Variants in CCL7 observed in about 807,000 individuals in gnomAD.
CCL7 encodes the protein C-C motif chemokine 7.
Under a neutral mutation model 7.1 loss-of-function variants are expected in CCL7, and 8 were observed. That is an observed-to-expected ratio of 1.13 (90% CI 0.66 to 2.04). CCL7 has a LOEUF of 2.04. CCL7 is among the 30% of genes most tolerant of loss of function. CCL7 has a pLI of 0.00. For missense variants in CCL7, 134 were observed against 113.6 expected (o/e 1.18, Z -0.82); for synonymous variants, 46 against 41.2 (o/e 1.12, Z -0.45).
chr17:34,271,084 T>C (rs1438231135), intron 1 of CCL7, 62 bp from the exon 2 acceptor site: 6 of 1,606,250 alleles, frequency 3.7e-6, no homozygotes, highest in Non-Finnish European at 4.3e-6. Context: ...TTCCCTGTTT[T>C]ACAAACAGAA....
chr17:34,270,919 T>C (rs1908114963), intron 1 of CCL7, among the ~76,000 whole-genome samples: 1 of 152,208 alleles, frequency 6.6e-6, no homozygotes, highest in African/African-American at 2.4e-5. Flanking sequence ...CAATTCCTCT[T>C]CCGTCTTTCA....
chr17:34,271,099 C>A (rs976166359), intron 1 of CCL7, 47 bp from the exon 2 acceptor site: 2 of 1,613,324 alleles, frequency 1.2e-6, no homozygotes, highest in African/African-American at 1.3e-5. Context: ...ACAGAAAGAC[C>A]CAGGACACAC....
chr17:34,272,160 G>T lies in CCL7; in HGVS notation c.*358G>T. 1 of 170,432 alleles carries T rather than the reference G, an allele frequency of 5.9e-6. No homozygotes were observed. The allele number at this position is 170,432 out of a possible 1,614,324, so 10.6% of individuals were successfully genotyped here. ...AATTGTTAAGATATGATGTCCCTAT[G>T]GAAGCATATTGTTATTATATAATTA... On this transcript the variant is annotated 3_prime_UTR_variant, in exon 3 of 3. Transcript: ENST00000378569.
chr17:34,271,350 G>T, intron 2 of CCL7, 87 bp downstream of exon 2: 1 of 1,053,196 alleles, frequency 9.5e-7, no homozygotes, highest in South Asian at 1.5e-5. Flanking sequence ...AGAATGAGTT[G>T]GAGTCAAATA....
In CCL7 at chr17:34,272,071, C is replaced by A. The variant is rs200134211; in HGVS notation, c.*269C>A. On this transcript the variant is annotated 3_prime_UTR_variant, in exon 3 of 3. Transcript: ENST00000378569. ...GCTGTAAAAACTGTGGGATGCTCCT[C>A]CCTTCTCTACCTCATGGGGGTATTG... The A allele has an allele frequency of 2.9e-6, 1 of 341,784 alleles. No individual in the cohort carries two copies. Among genetic ancestry groups the A allele is most frequent in the African/African-American group, 2.2e-5 (1 of 45,060 alleles). 21.2% of individuals were successfully genotyped at this position (341,784 alleles called of 1,614,324 possible). A position where few individuals can be genotyped will look rare whatever the true frequency, so the allele number is the denominator to read the frequency against.
intron 2 of CCL7, 116 bp downstream of exon 2, chr17:34,271,379 C>G: frequency 1.2e-6 from 1 of 813,988 alleles, no homozygotes; most frequent in Non-Finnish European, 2.0e-6. Flanking sequence ...CATACAGCAT[C>G]TCTAACCTTA....
At chr17:34,270,641 G>A (rs1335050110) in intron 1 of CCL7, among the ~76,000 whole-genome samples, 1 of 152,210 alleles carries the variant, frequency 6.6e-6, no homozygotes, top group Non-Finnish European at 1.5e-5. Flanking sequence ...GCTGCTTCCA[G>A]CAGAATTTGG....
In CCL7 at chr17:34,271,027, C is replaced by G; in HGVS notation, c.77-119C>G. 1.9e-6 allele frequency: 3 copies of G among 1,554,170 alleles called. No individual in the cohort carries two copies. The South Asian group carries it at 3.7e-5, about 19-fold the overall frequency. ...GAGACATTGGGTTTGGGATGGGCAG[C>G]TTTTCCCTCCACCTCTTCCTTTCTT... On this transcript the variant is annotated intron_variant, in intron 1 of 2. Transcript: ENST00000378569.
intron 1 of CCL7, among the ~76,000 whole-genome samples, chr17:34,270,718 G>T (rs1002017945): frequency 6.6e-6 from 1 of 152,172 alleles, no homozygotes; most frequent in Non-Finnish European, 1.5e-5. Context: ...GATACCGGGA[G>T]ACCCAGAATC....
intron 1 of CCL7, among the ~76,000 whole-genome samples, chr17:34,270,853 C>T (rs3091321): frequency 0.16 from 23,701 of 152,152 alleles, 2,237 homozygotes; most frequent in Non-Finnish European, 0.22. Flanking sequence ...GGTACCCTTG[C>T]TCTAAGGAAT....
rs1598088266 is a variant in CCL7, at chr17:34,271,785, C to T, written c.283C>T (p.Gln95Ter). The T allele has an allele frequency of 1.2e-6, 2 of 1,611,124 alleles. No individual in the cohort carries two copies. The highest frequency in any genetic ancestry group is 1.3e-5 in the African/African-American group (1 of 74,926). ...TATGAAGCACCTGGACAAGAAAACCCAAACTCCAAAGCTTTGAACATTCAT... is the reference window on the plus strand; with the variant it reads ...TATGAAGCACCTGGACAAGAAAACCTAAACTCCAAAGCTTTGAACATTCAT... ...DFMKHLDKKT[Q>*]TPKL The change falls in exon 3 of 3, where the codon CAA becomes TAA. Residue 95 changes from glutamine to a stop codon, truncating the protein, a stop_gained. Coordinates refer to ENST00000378569, the MANE Select transcript of CCL7 (RefSeq NM_006273.4). LOFTEE classifies it high-confidence loss of function.
At chr17:34,270,465 A>C in intron 1 of CCL7, 99 bp downstream of exon 1, 1 of 939,218 alleles carries the variant, frequency 1.1e-6, no homozygotes, top group African/African-American at 1.7e-5. Context: ...TCACTTTAAC[A>C]GCTACTTTTC....
At chr17:34,271,655 C>A in intron 2 of CCL7, 42 bp from the exon 3 acceptor site, 2 of 1,334,414 alleles carry the variant, frequency 1.5e-6, no homozygotes, top group Non-Finnish European at 2.1e-6. Flanking sequence ...CAGGCTGAAC[C>A]CTCAAGGTGT....
intron 1 of CCL7, 142 bp downstream of exon 1, chr17:34,270,508 G>GT: frequency 2.9e-6 from 2 of 679,126 alleles, no homozygotes; most frequent in Non-Finnish European, 5.0e-6. Flanking sequence ...AGGATAAGGG[G>GT]TGAGCCCAAC....
At chr17:34,270,514 C>T in intron 1 of CCL7, 148 bp downstream of exon 1, 2 of 648,462 alleles carry the variant, frequency 3.1e-6, no homozygotes, top group Admixed American at 2.9e-5. Context: ...AGGGGTGAGC[C>T]CAACCACACA....
intron 1 of CCL7, 34 bp downstream of exon 1, chr17:34,270,400 T>C (rs202159777): frequency 1.9e-6 from 3 of 1,562,954 alleles, no homozygotes; most frequent in Admixed American, 1.7e-5. Flanking sequence ...TTGAAGCACA[T>C]TGCCCCCTCT....
At position 34,270,362 on chromosome 17, in the gene CCL7, G is replaced by A. The variant is rs771707444; in HGVS notation, c.72G>A (p.Gln24=). 1 of 1,614,048 alleles carries A rather than the reference G, an allele frequency of 6.2e-7. No homozygotes were observed. The highest frequency in any genetic ancestry group is 8.5e-7 in the Non-Finnish European group (1 of 1,179,910). ...AAAFSPQGLA[Q]PVGINTSTTC... ...CTTTCAGCCCCCAGGGGCTTGCTCA[G>A]CCAGGTAAGGTCCCTCTCTCCTTCT... Residue 24 remains glutamine (Q), a synonymous_variant, in exon 1 of 3, where the codon CAG becomes CAA. Coordinates refer to ENST00000378569, the MANE Select transcript of CCL7 (RefSeq NM_006273.4).
Position 34,271,229 on chromosome 17 carries a change from A to G in CCL7, c.160A>G (p.Thr54Ala). 1.2e-6 allele frequency: 2 copies of G among 1,614,094 alleles called. No homozygotes were observed. Among genetic ancestry groups the G allele is most frequent in the Non-Finnish European group, 1.7e-6 (2 of 1,179,980 alleles). Residue 54 changes from threonine (T) to alanine (A), a missense_variant, in exon 2 of 3, where the codon ACC becomes GCC. Coordinates refer to ENST00000378569, the MANE Select transcript of CCL7 (RefSeq NM_006273.4). ...PKQRLESYRR[T>A]TSSHCPREAV... ...GCAGAGGCTGGAGAGCTACAGAAGG[A>G]CCACCAGTAGCCACTGTCCCCGGGA...
Position 34,272,080 on chromosome 17 carries a change from A to G in CCL7, c.*278A>G, listed in dbSNP as rs1388413544. 2 of 328,000 alleles carry G rather than the reference A, an allele frequency of 6.1e-6. No individual in the cohort carries two copies. The highest frequency in any genetic ancestry group is 5.6e-6 in the Non-Finnish European group (1 of 179,712). The allele number at this position is 328,000 out of a possible 1,614,324, so 20.3% of individuals were successfully genotyped here. ...ACTGTGGGATGCTCCTCCCTTCTCT[A>G]CCTCATGGGGGTATTGTATAAGTCC... is the stretch of plus-strand genomic sequence containing the variant. On this transcript the variant is annotated 3_prime_UTR_variant, in exon 3 of 3. Coordinates refer to ENST00000378569, the MANE Select transcript of CCL7 (RefSeq NM_006273.4).
Sources: allele counts gnomAD v4.1 joint callset (sites outside exome capture counted in the v4.1 genomes callset), GRCh38; gene constraint gnomAD v4.1.1; transcripts MANE v1.5; gene names NCBI Gene and HGNC (gene_info 2026-07-23, HGNC 2026-07-21).